Variants in SGCG observed in about 807,000 individuals in gnomAD.
The protein encoded by SGCG is gamma-sarcoglycan.
Under a neutral mutation model 29.3 loss-of-function variants are expected in SGCG, and 26 were observed. The observed-to-expected ratio is 0.89, with a 90% CI of 0.65 to 1.23. The LOEUF is 1.23. SGCG is among the 50% of genes most tolerant of loss of function. The pLI is 0.00. For missense variants in SGCG, 353 were observed against 356.0 expected (o/e 0.99, Z 0.07); for synonymous variants, 145 against 129.7 (o/e 1.12, Z -0.80).
At chr13:23,165,233 A>G in the SGCG span, among the ~76,000 whole-genome samples, 2 of 152,216 alleles carry the variant, frequency 1.3e-5, no homozygotes, top group African/African-American at 2.4e-5. Context: ...TAATAAAATT[A>G]TTTCATCATA....
intron 2 of SGCG, 115 bp from the exon 3 acceptor site, chr13:23,234,496 C>A: frequency 1.4e-6 from 1 of 722,608 alleles, no homozygotes. Context: ...AGGAGAAATG[C>A]AGAAAAGGTG....
Position 23,186,547 on chromosome 13 carries a change from C to T in SGCG, c.-1+5472C>T, listed in dbSNP as rs1429477418. 2.6e-5 allele frequency among the ~76,000 whole-genome samples: 4 copies of T among 152,168 alleles called. No homozygotes were observed. In the South Asian group the frequency reaches 6.2e-4, roughly 24 times the overall value. ...CAGCTGGCAAACATGACCACTTCTA[C>T]GCTCACCATTGGTTTCCAGAGGGAT... On this transcript the variant is annotated intron_variant, in intron 1 of 7. Coordinates refer to ENST00000218867, the MANE Select transcript of SGCG (RefSeq NM_000231.3).
the SGCG span, among the ~76,000 whole-genome samples, chr13:23,174,052 T>C: frequency 6.6e-6 from 1 of 152,194 alleles, no homozygotes; most frequent in African/African-American, 2.4e-5. Context: ...GAGAGCAGAA[T>C]AGATAAATTT....
intron 3 of SGCG, among the ~76,000 whole-genome samples, chr13:23,236,503 C>A (rs896823449): frequency 1.3e-5 from 2 of 151,920 alleles, no homozygotes; most frequent in Non-Finnish European, 2.9e-5. Flanking sequence ...CAGTGAAACC[C>A]CGTCTCTACT....
chr13:23,232,318 G>A (rs1415586250), intron 2 of SGCG, among the ~76,000 whole-genome samples: 5 of 152,158 alleles, frequency 3.3e-5, no homozygotes, highest in Admixed American at 2.6e-4. Flanking sequence ...TTCAACTGAT[G>A]ATGTCTTTGA....
chr13:23,324,388 T>C lies in SGCG; in HGVS notation c.723T>C (p.Thr241=). Residue 241 remains threonine, a synonymous_variant, in exon 8 of 8, where the codon ACT becomes ACC. Coordinates refer to ENST00000218867, the MANE Select transcript of SGCG (RefSeq NM_000231.3). ...SDGMLVLDAE[T]VCLPKLVQGT... The stretch of plus-strand genomic sequence containing the variant: ...ACCAGCTTGTGCTTGATGCTGAAAC[T>C]GTGTGCTTACCCAAGCTGGTGCAGG... 1 of 1,614,206 alleles carries C rather than the reference T, an allele frequency of 6.2e-7. No individual in the cohort carries two copies.
chr13:23,220,539 A>C (rs1878620330), intron 2 of SGCG, among the ~76,000 whole-genome samples: 1 of 152,210 alleles, frequency 6.6e-6, no homozygotes, highest in Admixed American at 6.5e-5. Context: ...ATTCAGTTGA[A>C]ATTAAATTAT....
chr13:23,194,145 G>C (rs1390635892), intron 1 of SGCG, among the ~76,000 whole-genome samples: 1 of 152,184 alleles, frequency 6.6e-6, no homozygotes, highest in Non-Finnish European at 1.5e-5. Flanking sequence ...GCTAAATATG[G>C]CAAAATAACT....
intron 1 of SGCG, among the ~76,000 whole-genome samples, chr13:23,197,684 A>G (rs1303687922): frequency 6.6e-6 from 1 of 152,220 alleles, no homozygotes; most frequent in Non-Finnish European, 1.5e-5. Context: ...ATCTGTGGAA[A>G]TATAAAGCTA....
At chr13:23,185,702 G>T (rs1876943650) in intron 1 of SGCG, among the ~76,000 whole-genome samples, 3 of 152,202 alleles carry the variant, frequency 2.0e-5, no homozygotes, top group African/African-American at 7.2e-5. Context: ...GGCCTGCAGG[G>T]CTGTTCCCAA....
chr13:23,224,407 T>A (rs1328401364), intron 2 of SGCG, among the ~76,000 whole-genome samples: 1 of 152,144 alleles, frequency 6.6e-6, no homozygotes, highest in Non-Finnish European at 1.5e-5. Context: ...CAGATGGGGA[T>A]CTAGTCTAAT....
Position 23,250,639 on chromosome 13 carries a change from C to T in SGCG, c.307C>T (p.Leu103=), listed in dbSNP as rs754191351. 2 of 1,603,304 alleles carry T rather than the reference C, an allele frequency of 1.2e-6. No individual in the cohort carries two copies. The highest frequency in any genetic ancestry group is 1.1e-5 in the South Asian group (1 of 90,822). Reference sequence around the variant, plus strand: ...ATAAATCTCTTTCTAGGACTCATCTCTGCTTCTACAATCAACCCAGAATGT... The same window carrying T: ...ATAAATCTCTTTCTAGGACTCATCTTTGCTTCTACAATCAACCCAGAATGT... ...KEIHSRVDSS[L]LLQSTQNVTV... The change falls in exon 4 of 8, where the codon CTG becomes TTG. Residue 103 remains leucine (L), a synonymous_variant. Transcript: ENST00000218867.
At chr13:23,169,320 C>T in the SGCG span, among the ~76,000 whole-genome samples, 1 of 151,436 alleles carries the variant, frequency 6.6e-6, no homozygotes, top group Non-Finnish European at 1.5e-5. Flanking sequence ...CTTCTTTCTA[C>T]TTCTGGTTGC....
intron 6 of SGCG, among the ~76,000 whole-genome samples, chr13:23,297,843 C>T (rs1255947879): frequency 6.6e-6 from 1 of 151,658 alleles, no homozygotes; most frequent in Non-Finnish European, 1.5e-5. Context: ...CTCCCGGATT[C>T]AAGCGATTCT....
At chr13:23,270,584 G>T (rs1880835130) in intron 4 of SGCG, among the ~76,000 whole-genome samples, 1 of 152,012 alleles carries the variant, frequency 6.6e-6, no homozygotes, top group Non-Finnish European at 1.5e-5. Flanking sequence ...TTAACTTTCT[G>T]CCCAGGGTAT....
rs1232469863 is a variant in SGCG at position 23,203,830 on chromosome 13, A to G, written c.136A>G (p.Ile46Val). 1 of 1,614,082 alleles carries G rather than the reference A, an allele frequency of 6.2e-7. No homozygotes were observed. Among genetic ancestry groups the G allele is most frequent in the Non-Finnish European group, 8.5e-7 (1 of 1,179,942 alleles). Reference protein sequence around the residue: ...LYLFVLLLLIILVVNLALTIW... With the variant: ...LYLFVLLLLIVLVVNLALTIW... Reference sequence around the variant, plus strand: ...CTTGTTTGTTCTTCTTTTACTCATCATCCTCGTTGTGAATTTAGCTCTTAC... The same window carrying G: ...CTTGTTTGTTCTTCTTTTACTCATCGTCCTCGTTGTGAATTTAGCTCTTAC... Residue 46 changes from isoleucine to valine, a missense_variant, in exon 2 of 8, where the codon ATC becomes GTC. Coordinates refer to ENST00000218867, the MANE Select transcript of SGCG (RefSeq NM_000231.3).
intron 5 of SGCG, among the ~76,000 whole-genome samples, chr13:23,280,906 GA>G (rs1479021721): frequency 6.6e-6 from 1 of 152,196 alleles, no homozygotes; most frequent in Non-Finnish European, 1.5e-5. Flanking sequence ...TCAATAAGAT[GA>G]ACTTTTCCTT....
At chr13:23,177,804 C>G (rs1876608265), upstream of SGCG, among the ~76,000 whole-genome samples, 2 of 151,796 alleles carry the variant, frequency 1.3e-5, no homozygotes, top group Non-Finnish European at 2.9e-5. Flanking sequence ...GTTTTGAACT[C>G]CTGACCTCAA....
chr13:23,242,815 T>C (rs1190965869), intron 3 of SGCG, among the ~76,000 whole-genome samples: 2 of 152,084 alleles, frequency 1.3e-5, no homozygotes, highest in African/African-American at 4.8e-5. Flanking sequence ...TATCTATAAC[T>C]TACATACATA....
Sources: allele counts gnomAD v4.1 joint callset (sites outside exome capture counted in the v4.1 genomes callset), GRCh38; gene constraint gnomAD v4.1.1; transcripts MANE v1.5; gene names NCBI Gene and HGNC (gene_info 2026-07-23, HGNC 2026-07-21).